The following LASP1 variants were observed in gnomAD, a reference collection of about 807,000 sequenced individuals.
The protein encoded by LASP1 is LIM and SH3 protein 1.
A neutral mutation model predicts 38.6 loss-of-function variants in LASP1; 10 were observed. The observed-to-expected ratio is 0.26, with a 90% CI of 0.16 to 0.44. The LOEUF is 0.44. Among genes scored for constraint, LASP1 ranks in the 20% least tolerant of loss-of-function variants. LASP1 has a pLI of 1.00. For synonymous variants in LASP1, 132 were observed against 140.8 expected (o/e 0.94, Z 0.44); for missense variants, 243 against 375.7 (o/e 0.65, Z 2.92).
intron 4 of LASP1, among the ~76,000 whole-genome samples, chr17:38,909,652 G>A (rs1210944554): frequency 2.0e-5 from 3 of 151,978 alleles, no homozygotes; most frequent in Admixed American, 2.0e-4. Flanking sequence ...GCCCACTAGG[G>A]GTCATCAAGG....
chr17:38,907,896 T>C (rs1914817402), intron 4 of LASP1, among the ~76,000 whole-genome samples: 2 of 152,280 alleles, frequency 1.3e-5, no homozygotes, highest in Non-Finnish European at 1.5e-5. Flanking sequence ...TGGGAGCAGA[T>C]GGTACCATGG....
rs1173132548 is a variant in LASP1 at position 38,921,480 on chromosome 17, A to G, written c.*2702A>G. ...TTTTTATAGCTGGAAAAAACAAAAT[A>G]CCACCCTACAAACCTGTATTTAAAA... On this transcript the variant is annotated 3_prime_UTR_variant, in exon 7 of 7. Coordinates refer to ENST00000318008, the MANE Select transcript of LASP1 (RefSeq NM_006148.4). 1 of 232,438 alleles carries G rather than the reference A, an allele frequency of 4.3e-6. No individual in the cohort carries two copies. Among genetic ancestry groups the G allele is most frequent in the Non-Finnish European group, 8.5e-6 (1 of 117,460 alleles). 14.4% of individuals were successfully genotyped at this position (232,438 alleles called of 1,614,324 possible).
chr17:38,892,950 CGTGT>C (rs1370978043), intron 3 of LASP1, among the ~76,000 whole-genome samples: 8 of 152,064 alleles, frequency 5.3e-5, no homozygotes, highest in Middle Eastern at 3.4e-3. Flanking sequence ...AGAGCGTGTC[CGTGT>C]GTGTATGTGT....
chr17:38,913,937 G>T (rs1915032093), intron 4 of LASP1, among the ~76,000 whole-genome samples: 1 of 151,942 alleles, frequency 6.6e-6, no homozygotes, highest in Admixed American at 6.6e-5. Flanking sequence ...TGGAGGTGGA[G>T]GTTGCGGTGA....
chr17:38,890,381 C>T (rs1914273427), intron 2 of LASP1, 39 bp from the exon 3 acceptor site: 1 of 1,560,928 alleles, frequency 6.4e-7, no homozygotes, highest in African/African-American at 1.4e-5. Context: ...CCTGCCCCTC[C>T]CCCAGAGTCA....
chr17:38,919,285 CAA>C lies in LASP1; in HGVS notation c.*509_*510del, dbSNP rs1454369393. 4.2e-6 allele frequency: 1 copy of C among 240,588 alleles called. No homozygotes were observed. Among genetic ancestry groups the C allele is most frequent in the African/African-American group, 2.2e-5 (1 of 45,366 alleles). The allele number at this position is 240,588 out of a possible 1,614,324, so 14.9% of individuals were successfully genotyped here. A position where few individuals can be genotyped will look rare whatever the true frequency, so the allele number is the denominator to read the frequency against. On this transcript the variant is annotated 3_prime_UTR_variant, in exon 7 of 7. Transcript: ENST00000318008. ...TGGGATGGGCTCTACCTCTCTTTCTCAAAGAGGGGGCTCTGCCCACCTGGGGT... is the reference window on the plus strand; with the variant it reads ...TGGGATGGGCTCTACCTCTCTTTCTCAGAGGGGGCTCTGCCCACCTGGGGT...
rs1913551406 is a variant in LASP1 at position 38,870,106 on chromosome 17, G to A, written c.-84G>A. ...CGTCGCTGCTGCCTGTGTAGTTGCA[G>A]CCGCGGCCGCCTCCCGCCAGCTCGC... On this transcript the variant is annotated 5_prime_UTR_variant, in exon 1 of 7. Transcript: ENST00000318008. 17 of 1,508,806 alleles carry A rather than the reference G, an allele frequency of 1.1e-5. No homozygotes were observed. Among genetic ancestry groups the A allele is most frequent in the Non-Finnish European group, 1.4e-5 (15 of 1,098,582 alleles). The allele number at this position is 1,508,806 out of a possible 1,614,324, so 93.5% of individuals were successfully genotyped here. A position where few individuals can be genotyped will look rare whatever the true frequency, so the allele number is the denominator to read the frequency against.
At chr17:38,886,193 G>A (rs1914128903) in intron 2 of LASP1, among the ~76,000 whole-genome samples, 2 of 151,686 alleles carry the variant, frequency 1.3e-5, no homozygotes, top group Admixed American at 1.3e-4. Flanking sequence ...CACTGTTGCT[G>A]CTCTCCTGCC....
chr17:38,878,204 G>C, intron 2 of LASP1, 24 bp downstream of exon 2: 1 of 1,548,606 alleles, frequency 6.5e-7, no homozygotes, highest in Non-Finnish European at 8.9e-7. Flanking sequence ...TGGGCAGGGG[G>C]CTGGGTGGGC....
chr17:38,914,677 G>GACACAC (rs10599326), intron 5 of LASP1, among the ~76,000 whole-genome samples: 22 of 146,770 alleles, frequency 1.5e-4, no homozygotes, highest in Admixed American at 5.4e-4. Flanking sequence ...GCGAGAGACA[G>GACACAC]ACACACACAC....
chr17:38,876,356 T>A (rs1913776536), intron 1 of LASP1, among the ~76,000 whole-genome samples: 1 of 150,766 alleles, frequency 6.6e-6, no homozygotes, highest in African/African-American at 2.4e-5. Flanking sequence ...TTTATTTATT[T>A]ATTTATTTAT....
At chr17:38,893,459 T>G (rs531730272) in intron 3 of LASP1, among the ~76,000 whole-genome samples, 2 of 152,150 alleles carry the variant, frequency 1.3e-5, no homozygotes, top group Non-Finnish European at 2.9e-5. Context: ...CCGACCCTGT[T>G]TGTATGCTCT....
chr17:38,905,701 G>A (rs192058454), intron 4 of LASP1, among the ~76,000 whole-genome samples: 204 of 152,228 alleles, frequency 1.3e-3, no homozygotes, highest in African/African-American at 4.8e-3. Flanking sequence ...TGTGATAGCC[G>A]ATGGTTTTAG....
At chr17:38,876,176 CTTTTTTT>C (rs899457098) in intron 1 of LASP1, among the ~76,000 whole-genome samples, 8 of 127,630 alleles carry the variant, frequency 6.3e-5, no homozygotes, top group African/African-American at 1.9e-4. Context: ...GATCGTTTCT[CTTTTTTT>C]TTTTTTTTTT....
At chr17:38,883,524 A>G (rs565542588) in intron 2 of LASP1, among the ~76,000 whole-genome samples, 20 of 152,262 alleles carry the variant, frequency 1.3e-4, no homozygotes, top group African/African-American at 4.8e-4. Context: ...GGGGAGGGCA[A>G]GTGCAAATGG....
chr17:38,892,187 C>T (rs1914347737), intron 3 of LASP1, among the ~76,000 whole-genome samples: 1 of 152,204 alleles, frequency 6.6e-6, no homozygotes, highest in Admixed American at 6.5e-5. Flanking sequence ...GTAAAAGACC[C>T]AGCGTCTCTG....
chr17:38,871,632 G>A (rs138476648), intron 1 of LASP1, among the ~76,000 whole-genome samples: 10 of 152,224 alleles, frequency 6.6e-5, no homozygotes, highest in African/African-American at 2.2e-4. Context: ...CCCCCTTGGT[G>A]TGTGAGCTTC....
intron 2 of LASP1, among the ~76,000 whole-genome samples, chr17:38,886,372 C>T (rs1234931954): frequency 6.6e-6 from 1 of 152,108 alleles, no homozygotes; most frequent in Non-Finnish European, 1.5e-5. Flanking sequence ...GTCTGCCTGC[C>T]TTCCTCTGCC....
chr17:38,880,695 C>T (rs1038516657), intron 2 of LASP1, among the ~76,000 whole-genome samples: 1 of 152,230 alleles, frequency 6.6e-6, no homozygotes, highest in Non-Finnish European at 1.5e-5. Context: ...CCCTCCCCTG[C>T]ATCCACTGGG....
Sources: allele counts gnomAD v4.1 joint callset (sites outside exome capture counted in the v4.1 genomes callset), GRCh38; gene constraint gnomAD v4.1.1; transcripts MANE v1.5; gene names NCBI Gene and HGNC (gene_info 2026-07-23, HGNC 2026-07-21).